The following PTPRM variants were observed in gnomAD, a reference collection of about 807,000 sequenced individuals.
PTPRM encodes the protein protein tyrosine phosphatase receptor type M, also known as receptor-type tyrosine-protein phosphatase mu.
A neutral mutation model predicts 186.7 loss-of-function variants in PTPRM; 47 were observed. The ratio of observed to expected loss-of-function variants is 0.25; its 90% confidence interval spans 0.20 to 0.32. The LOEUF (loss-of-function observed/expected upper bound fraction) is 0.32, where lower values mean the gene tolerates loss of function less well. Among genes scored for constraint, PTPRM ranks in the 10% least tolerant of loss-of-function variants. The pLI is 1.00. For missense variants in PTPRM, 1,494 were observed against 1,865.0 expected (o/e 0.80, Z 3.66); for synonymous variants, 668 against 674.9 (o/e 0.99, Z 0.16).
intron 1 of PTPRM, among the ~76,000 whole-genome samples, chr18:7,688,402 G>A (rs1458893624): frequency 6.6e-6 from 1 of 152,140 alleles, no homozygotes; most frequent in African/African-American, 2.4e-5. Context: ...GATTCTGTGG[G>A]GGAAATACAC....
rs146964875 is a variant in PTPRM, at chr18:8,288,031, A to G, written c.2755-8337A>G. On this transcript the variant is annotated intron_variant, in intron 19 of 32. Transcript: ENST00000580170. The stretch of plus-strand genomic sequence containing the variant: ...ATCTTCAAAGATTGATCTCATTGAT[A>G]TACATGGGAATCAAGAGATAGGCAA... Among the ~76,000 whole-genome samples the G allele has an allele frequency of 1.7e-4, 26 of 152,326 alleles. 1 individual carries two copies. The highest frequency in any genetic ancestry group is 5.8e-4 in the African/African-American group (24 of 41,576).
intron 1 of PTPRM, among the ~76,000 whole-genome samples, chr18:7,614,554 CT>C (rs1394095610): frequency 6.6e-6 from 1 of 152,178 alleles, no homozygotes; most frequent in East Asian, 1.9e-4. Flanking sequence ...GAAGGATTGT[CT>C]TTTTCTTTAG....
intron 7 of PTPRM, among the ~76,000 whole-genome samples, chr18:7,984,973 ATATATACATATAAT>A (rs1247294033): frequency 5.9e-5 from 7 of 118,778 alleles, no homozygotes; most frequent in African/African-American, 8.0e-5. Context: ...ACATATAATT[ATATATACATATAAT>A]TATATACATA....
Position 7,976,197 on chromosome 18 carries a change from A to G in PTPRM, c.1132+20783A>G, listed in dbSNP as rs1294573826. Among the ~76,000 whole-genome samples, 16 of 152,128 alleles carry G rather than the reference A, an allele frequency of 1.1e-4. 1 individual carries two copies. Among genetic ancestry groups the G allele is most frequent in the Non-Finnish European group, 5.9e-5 (4 of 68,006 alleles). On this transcript the variant is annotated intron_variant, in intron 7 of 32. Coordinates refer to ENST00000580170, the MANE Select transcript of PTPRM (RefSeq NM_001105244.2). The stretch of plus-strand genomic sequence containing the variant: ...AAATAAAAAATAAAAAATGAAAAAA[A>G]GAACGTTTCTCTGTCATTAGGCAAC...
chr18:7,606,791 T>C (rs901401398), intron 1 of PTPRM, among the ~76,000 whole-genome samples: 1 of 152,108 alleles, frequency 6.6e-6, no homozygotes, highest in Non-Finnish European at 1.5e-5. Context: ...TTTGGTTGAG[T>C]GGGGAGGGAG....
chr18:7,975,506 G>A (rs751054484), intron 7 of PTPRM, among the ~76,000 whole-genome samples: 6 of 152,170 alleles, frequency 3.9e-5, no homozygotes, highest in African/African-American at 1.4e-4. Flanking sequence ...ATATGGTAAT[G>A]CTACATACTG....
chr18:7,969,394 A>C (rs1041756809), intron 7 of PTPRM, among the ~76,000 whole-genome samples: 2 of 133,972 alleles, frequency 1.5e-5, no homozygotes, highest in Non-Finnish European at 3.1e-5. Context: ...CTCAATTAAA[A>C]GAACTAGAAA....
At chr18:8,394,364 A>C in intron 31 of PTPRM, 112 bp from the exon 32 acceptor site, 9 of 1,235,480 alleles carry the variant, frequency 7.3e-6, no homozygotes, top group Non-Finnish European at 9.8e-6. Flanking sequence ...CCGGCCTCAG[A>C]GCCCTTTGTT....
At chr18:8,156,440 C>A (rs1333553704) in intron 14 of PTPRM, among the ~76,000 whole-genome samples, 1 of 152,110 alleles carries the variant, frequency 6.6e-6, no homozygotes, top group Non-Finnish European at 1.5e-5. Flanking sequence ...AACTATTTTG[C>A]ACATGTGAGA....
chr18:8,230,578 G>T (rs2094274354), intron 14 of PTPRM, among the ~76,000 whole-genome samples: 2 of 152,228 alleles, frequency 1.3e-5, no homozygotes, highest in African/African-American at 4.8e-5. Flanking sequence ...TTCTCTGGAA[G>T]ATAGGGATAA....
chr18:8,172,686 T>G (rs897805640), intron 14 of PTPRM, among the ~76,000 whole-genome samples: 1 of 139,314 alleles, frequency 7.2e-6, no homozygotes. Context: ...AGAATGTTAA[T>G]GTAAACACAA....
intron 19 of PTPRM, among the ~76,000 whole-genome samples, chr18:8,279,728 G>A (rs2094879874): frequency 6.6e-6 from 1 of 152,156 alleles, no homozygotes; most frequent in Non-Finnish European, 1.5e-5. Flanking sequence ...GCTCAGAGAA[G>A]CAGAGATTGT....
intron 11 of PTPRM, among the ~76,000 whole-genome samples, chr18:8,090,948 C>G (rs2090687317): frequency 6.6e-6 from 1 of 152,124 alleles, no homozygotes; most frequent in Admixed American, 6.6e-5. Flanking sequence ...CACCCCTTTC[C>G]CAGTCCTCTT....
chr18:7,605,951 C>G (rs1368651994), intron 1 of PTPRM, among the ~76,000 whole-genome samples: 1 of 152,118 alleles, frequency 6.6e-6, no homozygotes, highest in East Asian at 1.9e-4. Context: ...AACCTGGGAA[C>G]CTTGTTTCTG....
intron 11 of PTPRM, among the ~76,000 whole-genome samples, chr18:8,103,962 G>C (rs776414768): frequency 2.0e-5 from 3 of 151,998 alleles, no homozygotes; most frequent in Non-Finnish European, 2.9e-5. Flanking sequence ...GTCTTAGGGA[G>C]TAGGGAGGCC....
chr18:8,240,037 A>G (rs998723810), intron 14 of PTPRM, among the ~76,000 whole-genome samples: 3 of 152,228 alleles, frequency 2.0e-5, no homozygotes, highest in Admixed American at 6.5e-5. Flanking sequence ...TTTCCTACAC[A>G]AAAGACTTTG....
chr18:7,668,698 G>A lies in PTPRM; in HGVS notation c.73+100807G>A, dbSNP rs2039151993. ...AGCTCCCTCCCTGGAGGCTGTAATG[G>A]CTGCTTTCTCACCTTCTTAGGTCCT... On this transcript the variant is annotated intron_variant, in intron 1 of 32. Coordinates refer to ENST00000580170, the MANE Select transcript of PTPRM (RefSeq NM_001105244.2). This position sits in a 1 kb window ranked among gnomAD's most constrained non-coding sequence, Gnocchi z 4.7. Among the ~76,000 whole-genome samples, 2 of 152,196 alleles carry A rather than the reference G, an allele frequency of 1.3e-5. No individual in the cohort carries two copies. The highest frequency in any genetic ancestry group is 4.8e-5 in the African/African-American group (2 of 41,534).
chr18:7,947,052 G>A (rs2052576491), intron 5 of PTPRM: 1 of 455,456 alleles, frequency 2.2e-6, no homozygotes, highest in South Asian at 1.6e-5. Flanking sequence ...GGGTTAGTGA[G>A]TCTGTTTATT....
chr18:7,769,416 G>A (rs1402870057), intron 1 of PTPRM, among the ~76,000 whole-genome samples: 1 of 152,076 alleles, frequency 6.6e-6, no homozygotes, highest in Non-Finnish European at 1.5e-5. Context: ...CAAGTCCTGG[G>A]TAAATGTTAG....
Sources: allele counts gnomAD v4.1 joint callset (sites outside exome capture counted in the v4.1 genomes callset), GRCh38; gene constraint gnomAD v4.1.1; non-coding constraint Gnocchi (gnomAD v3.1); transcripts MANE v1.5; gene names NCBI Gene and HGNC (gene_info 2026-07-23, HGNC 2026-07-21).